The following EPHA4 variants were observed in gnomAD, a reference collection of about 807,000 sequenced individuals.
EPHA4 encodes the protein EPH receptor A4.
EPHA4 carries 19 observed loss-of-function variants against 108.3 expected under a neutral mutation model. The ratio of observed to expected loss-of-function variants is 0.18; its 90% CI spans 0.12 to 0.26. The LOEUF (loss-of-function observed/expected upper bound fraction) is 0.26, where lower values mean the gene tolerates loss of function less well. EPHA4 is among the 10% of genes least tolerant of loss of function. The pLI is 1.00. For synonymous variants in EPHA4, 449 were observed against 455.5 expected, an observed-to-expected ratio of 0.99 and a Z score of 0.18; for missense variants, 917 against 1,254.0, an observed-to-expected ratio of 0.73 and a Z score of 4.06.
rs1689880468 is a variant in EPHA4, at chr2:221,425,782, G to A, written c.*246C>T. 1 of 486,986 alleles carries A rather than the reference G, an allele frequency of 2.1e-6. No homozygotes were observed. Among genetic ancestry groups the A allele is most frequent in the South Asian group, 2.7e-5 (1 of 37,368 alleles). The allele number at this position is 486,986 out of a possible 1,614,324, so 30.2% of individuals were successfully genotyped here. On this transcript the variant is annotated 3_prime_UTR_variant, in exon 17 of 18. Coordinates refer to ENST00000281821, the MANE Select transcript of EPHA4 (RefSeq NM_004438.5). ...AGGTACATGTATTTTACAGACTGGTGATGAACAGAAAAGTACTTCTGAGAA... is the reference window on the plus strand; with the variant it reads ...AGGTACATGTATTTTACAGACTGGTAATGAACAGAAAAGTACTTCTGAGAA...
intron 4 of EPHA4, among the ~76,000 whole-genome samples, chr2:221,498,549 A>G (rs1020668140): frequency 6.6e-6 from 1 of 152,152 alleles, no homozygotes; most frequent in Admixed American, 6.5e-5. Context: ...GAAAGTTCTT[A>G]GTCTATGGAG....
chr2:221,446,280 G>A, intron 8 of EPHA4, 99 bp from the exon 9 acceptor site: 1 of 589,694 alleles, frequency 1.7e-6, no homozygotes. Context: ...AGTCAGGCAG[G>A]TATGCTATGT....
chr2:221,447,988 C>CCCG (rs1690647926), intron 8 of EPHA4, among the ~76,000 whole-genome samples: 1 of 151,866 alleles, frequency 6.6e-6, no homozygotes, highest in South Asian at 2.1e-4. Context: ...ATTATAGGCA[C>CCCG]CCGCCACCCA....
chr2:221,474,097 T>C (rs969076598), intron 5 of EPHA4, among the ~76,000 whole-genome samples: 2 of 152,218 alleles, frequency 1.3e-5, no homozygotes, highest in African/African-American at 4.8e-5. Context: ...TTTGCTTATA[T>C]GCAATAATTA....
chr2:221,479,584 T>C (rs1464431936), intron 5 of EPHA4, among the ~76,000 whole-genome samples: 1 of 152,194 alleles, frequency 6.6e-6, no homozygotes, highest in Non-Finnish European at 1.5e-5. Context: ...TAGAACATAA[T>C]TGTGTGTATG....
rs140329903 is a variant in EPHA4 at position 221,453,765 on chromosome 2, C to T, written c.1715+1782G>A. Reference sequence around the variant, plus strand: ...GATTGTGCATGAAAAGCAATGAACACGGTGTAAAACAGATGCCTGTACAGA... The same window carrying T: ...GATTGTGCATGAAAAGCAATGAACATGGTGTAAAACAGATGCCTGTACAGA... On this transcript the variant is annotated intron_variant, in intron 8 of 17. Coordinates refer to ENST00000281821, the MANE Select transcript of EPHA4 (RefSeq NM_004438.5). Among the ~76,000 whole-genome samples the T allele has an allele frequency of 2.0e-4, 31 of 152,250 alleles. No individual in the cohort carries two copies. The East Asian group carries it at 2.3e-3, about 11-fold the overall frequency.
chr2:221,522,584 C>G (rs1014686276), intron 3 of EPHA4, among the ~76,000 whole-genome samples: 4 of 152,154 alleles, frequency 2.6e-5, no homozygotes, highest in South Asian at 2.1e-4. Flanking sequence ...AATTCCCACT[C>G]TCACCCCAAA....
intron 3 of EPHA4, among the ~76,000 whole-genome samples, chr2:221,542,359 G>T (rs920347430): frequency 6.6e-6 from 1 of 152,168 alleles, no homozygotes; most frequent in East Asian, 1.9e-4. Flanking sequence ...CAGTTTCAAG[G>T]TGATAGAGCT....
chr2:221,423,761 GAA>G (rs80333450), intron 17 of EPHA4, among the ~76,000 whole-genome samples: 1,480 of 135,094 alleles, frequency 0.011, 17 homozygotes, highest in East Asian at 0.041. Flanking sequence ...TAGACTTTAA[GAA>G]AAAAAAAAAA....
chr2:221,433,379 G>A (rs1199636954), intron 14 of EPHA4, among the ~76,000 whole-genome samples: 5 of 152,154 alleles, frequency 3.3e-5, no homozygotes, highest in Admixed American at 1.3e-4. Context: ...AGGAAAGTTC[G>A]AAAAGTATAG....
At chr2:221,492,365 A>AT (rs751728396) in intron 4 of EPHA4, among the ~76,000 whole-genome samples, 3 of 152,144 alleles carry the variant, frequency 2.0e-5, no homozygotes, top group Admixed American at 6.5e-5. Flanking sequence ...CTAAAACAGC[A>AT]TTTTTTTAAA....
intron 8 of EPHA4, among the ~76,000 whole-genome samples, chr2:221,455,092 C>A (rs1200997831): frequency 6.6e-6 from 1 of 152,142 alleles, no homozygotes; most frequent in East Asian, 1.9e-4. Flanking sequence ...CTGTCAATAA[C>A]CCTTTGAGGC....
At chr2:221,563,172 G>A (rs998937156) in intron 3 of EPHA4, among the ~76,000 whole-genome samples, 1 of 152,090 alleles carries the variant, frequency 6.6e-6, no homozygotes, top group Non-Finnish European at 1.5e-5. Context: ...GAATGTACTT[G>A]AAGCAATGTC....
rs1255646577 is a variant in EPHA4, at chr2:221,501,005, CAT to C, written c.979+10_979+11del. On this transcript the variant is annotated intron_variant, in intron 4 of 17. Transcript: ENST00000281821. ...TGGCATCACAGGAATGAGAGACAAG[CAT>C]ACAACTTACGGGTGCAGGGCATAGA... 1 of 1,579,356 alleles carries C rather than the reference CAT, an allele frequency of 6.3e-7. No individual in the cohort carries two copies. Among genetic ancestry groups the C allele is most frequent in the Admixed American group, 1.8e-5 (1 of 54,522 alleles).
At position 221,498,834 on chromosome 2, in the gene EPHA4, T is replaced by C. The variant is rs115269868; in HGVS notation, c.979+2183A>G. Among the ~76,000 whole-genome samples the C allele has an allele frequency of 3.3e-3, 485 of 149,150 alleles. 5 individuals are homozygous for C. Among genetic ancestry groups the C allele is most frequent in the African/African-American group, 0.012 (469 of 40,384 alleles). On this transcript the variant is annotated intron_variant, in intron 4 of 17. Coordinates refer to ENST00000281821, the MANE Select transcript of EPHA4 (RefSeq NM_004438.5). ...AGACGACAGAGTTTCCTCTGTCATC[T>C]AGGGTGGAGTCCAGTGGTGCAATCT...
intron 3 of EPHA4, among the ~76,000 whole-genome samples, chr2:221,511,614 T>G (rs889982697): frequency 2.0e-5 from 3 of 152,222 alleles, no homozygotes; most frequent in African/African-American, 7.2e-5. Context: ...GGGCTGCCAA[T>G]TCACATATCA....
At chr2:221,451,750 G>C (rs1477480092) in intron 8 of EPHA4, among the ~76,000 whole-genome samples, 1 of 152,284 alleles carries the variant, frequency 6.6e-6, no homozygotes, top group Admixed American at 6.5e-5. Flanking sequence ...TAACATAAAT[G>C]TGGGTGGTAA....
In EPHA4 at chr2:221,521,578, TC is replaced by T. The variant is rs1290760763; in HGVS notation, c.824-20407del. ...AAAATATCTGCCAAAAGCGTAAGTG[TC>T]ACAGGAGTTCATGAACTGTAGATTC... On this transcript the variant is annotated intron_variant, in intron 3 of 17. Transcript: ENST00000281821. Among the ~76,000 whole-genome samples, 4 of 152,214 alleles carry T rather than the reference TC, an allele frequency of 2.6e-5. No individual in the cohort carries two copies. In the South Asian group the frequency reaches 8.3e-4, roughly 32 times the overall value.
Position 221,536,875 on chromosome 2 carries a change from G to A in EPHA4, c.823+26856C>T, listed in dbSNP as rs184450176. Among the ~76,000 whole-genome samples, 1,060 of 152,290 alleles carry A rather than the reference G, an allele frequency of 7.0e-3. 14 individuals carry two copies. The highest frequency in any genetic ancestry group is 8.8e-3 in the Admixed American group (134 of 15,298). On this transcript the variant is annotated intron_variant, in intron 3 of 17. Transcript: ENST00000281821. ...TTAGTTTCCTCATCTATGAAAAGAG[G>A]ATAATGACAGTCACTATTTCACCAA... is the stretch of plus-strand genomic sequence containing the variant.
Sources: gnomAD v4.1 joint callset for allele counts (sites outside exome capture counted in the v4.1 genomes callset) on GRCh38, gnomAD v4.1.1 for gene constraint, MANE v1.5 for transcripts, NCBI Gene and HGNC (gene_info 2026-07-23, HGNC 2026-07-21) for gene names.